PDE4D: variants seen among roughly 807,000 people sequenced by gnomAD.
The protein encoded by PDE4D is 3',5'-cyclic-AMP phosphodiesterase 4D.
In PDE4D, 24 loss-of-function variants were observed where a neutral mutation model predicts 87.4. The ratio of observed to expected loss-of-function variants is 0.27; its 90% CI spans 0.20 to 0.39. The LOEUF is 0.39. PDE4D is among the 10% of genes least tolerant of loss of function. The pLI, the probability that PDE4D is intolerant of heterozygous loss-of-function variation, is 1.00. For missense variants in PDE4D, 714 were observed against 1,041.0 expected, an observed-to-expected ratio of 0.69 and a Z score of 4.32; for synonymous variants, 384 against 383.2, an observed-to-expected ratio of 1.00 and a Z score of -0.02.
intron 1 of PDE4D, among the ~76,000 whole-genome samples, chr5:59,733,126 T>C (rs932671614): frequency 4.6e-5 from 7 of 152,118 alleles, no homozygotes; most frequent in Admixed American, 1.3e-4. Flanking sequence ...ATTTACAGGA[T>C]GAAAAGGTCA....
At chr5:59,367,265 A>G (rs902021284) in intron 1 of PDE4D, among the ~76,000 whole-genome samples, 2 of 152,238 alleles carry the variant, frequency 1.3e-5, no homozygotes, top group East Asian at 3.8e-4. Flanking sequence ...AAAATTGTCA[A>G]TACTAAGTAG....
chr5:59,900,287 CAT>C (rs56218565), intron 3 of PDE4D, among the ~76,000 whole-genome samples: 13 of 145,304 alleles, frequency 8.9e-5, no homozygotes, highest in South Asian at 6.5e-4. Flanking sequence ...CACACACACA[CAT>C]ATATATATAC....
chr5:59,337,153 C>T (rs1359647926), intron 1 of PDE4D, among the ~76,000 whole-genome samples: 3 of 152,184 alleles, frequency 2.0e-5, no homozygotes, highest in African/African-American at 7.2e-5. Flanking sequence ...GGTCTCAAAA[C>T]CTGAGCTCCT....
chr5:59,493,149 T>A (rs146572030), intron 1 of PDE4D, among the ~76,000 whole-genome samples: 2 of 152,094 alleles, frequency 1.3e-5, no homozygotes, highest in African/African-American at 2.4e-5. Flanking sequence ...AAACTCTGAG[T>A]TTTTTTATTG....
At chr5:59,666,519 C>T (rs964587146) in intron 1 of PDE4D, among the ~76,000 whole-genome samples, 1 of 152,162 alleles carries the variant, frequency 6.6e-6, no homozygotes, top group Non-Finnish European at 1.5e-5. Flanking sequence ...TGGAATTTTT[C>T]AGCAAGCAAT....
chr5:59,522,365 T>G (rs1184906631), intron 1 of PDE4D, among the ~76,000 whole-genome samples: 2 of 152,190 alleles, frequency 1.3e-5, no homozygotes, highest in Non-Finnish European at 2.9e-5. Flanking sequence ...CACTTTATGC[T>G]CCAACAAACC....
chr5:59,543,059 T>A (rs1816642446), intron 1 of PDE4D, among the ~76,000 whole-genome samples: 1 of 152,182 alleles, frequency 6.6e-6, no homozygotes, highest in Non-Finnish European at 1.5e-5. Context: ...ATCTGCTGAA[T>A]CAGATCATGT....
chr5:59,711,861 A>G (rs932381315), intron 1 of PDE4D, among the ~76,000 whole-genome samples: 5 of 152,140 alleles, frequency 3.3e-5, no homozygotes, highest in African/African-American at 9.7e-5. Flanking sequence ...AGCAACTCTC[A>G]TGAAATTTTC....
intron 1 of PDE4D, among the ~76,000 whole-genome samples, chr5:59,755,789 G>A (rs982528729): frequency 3.3e-5 from 5 of 151,388 alleles, no homozygotes; most frequent in African/African-American, 1.2e-4. Context: ...AAGTCAGAAA[G>A]TTGCTTGCTT....
rs186193672 is a variant in PDE4D at position 60,115,474 on chromosome 5, A to T, written c.42+70083T>A. ...CCAAATAATGAGGATAATTATTTTT[A>T]AAAAACTAGTAATTTTGAGCACCTA... On this transcript the variant is annotated intron_variant, in intron 2 of 16. Coordinates refer to the PDE4D transcript ENST00000502484. 9.4e-3 allele frequency among the ~76,000 whole-genome samples: 1,438 copies of T among 152,260 alleles called. 17 individuals are homozygous for T. Among genetic ancestry groups the T allele is most frequent in the African/African-American group, 0.033 (1,356 of 41,558 alleles).
At chr5:59,187,289 T>G (rs1038079) in intron 3 of PDE4D, among the ~76,000 whole-genome samples, 141,708 of 152,034 alleles carry the variant, frequency 0.93, 66,473 homozygotes, top group African/African-American at 0.95. Context: ...ATTTTGTCTT[T>G]GTTTTTAGTT....
chr5:60,124,906 G>A (rs1778997131), intron 2 of PDE4D, among the ~76,000 whole-genome samples: 1 of 152,038 alleles, frequency 6.6e-6, no homozygotes, highest in African/African-American at 2.4e-5. Flanking sequence ...GTAATCAGCA[G>A]CATTCACAAT....
chr5:59,506,366 C>T (rs1809264788), intron 1 of PDE4D, among the ~76,000 whole-genome samples: 1 of 150,714 alleles, frequency 6.6e-6, no homozygotes, highest in Non-Finnish European at 1.5e-5. Context: ...TATTTTATAC[C>T]CTTAGTCTTT....
chr5:60,269,437 C>A (rs889234288), intron 1 of PDE4D, among the ~76,000 whole-genome samples: 1 of 152,218 alleles, frequency 6.6e-6, no homozygotes, highest in African/African-American at 2.4e-5. Context: ...CACATTTTAT[C>A]ATAGGGATTT....
intron 1 of PDE4D, among the ~76,000 whole-genome samples, chr5:60,400,932 A>C (rs1561210339): frequency 6.6e-6 from 1 of 152,114 alleles, no homozygotes; most frequent in Admixed American, 6.5e-5. Context: ...TCGTGCACAA[A>C]TTTCTTCATT....
upstream of PDE4D, among the ~76,000 whole-genome samples, chr5:59,894,610 T>C (rs148127938): frequency 6.6e-6 from 1 of 152,274 alleles, no homozygotes; most frequent in East Asian, 1.9e-4. Context: ...CTGGCCAGAG[T>C]TAAGGTTAAG....
chr5:58,993,074 T>C (rs1447814048), intron 7 of PDE4D, among the ~76,000 whole-genome samples: 1 of 152,120 alleles, frequency 6.6e-6, no homozygotes, highest in East Asian at 1.9e-4. Context: ...GTTGAAGATA[T>C]GAATAGATCT....
chr5:59,812,276 C>T (rs1163750727), intron 1 of PDE4D, among the ~76,000 whole-genome samples: 1 of 152,172 alleles, frequency 6.6e-6, no homozygotes, highest in African/African-American at 2.4e-5. Flanking sequence ...TCTTCAGGTG[C>T]CACTGATTCT....
intron 1 of PDE4D, among the ~76,000 whole-genome samples, chr5:59,449,525 A>T (rs1208275686): frequency 6.6e-6 from 1 of 152,248 alleles, no homozygotes; most frequent in African/African-American, 2.4e-5. Context: ...TTTTCATATT[A>T]AACTCCCTTA....
Sources: gnomAD v4.1 joint callset for allele counts (sites outside exome capture counted in the v4.1 genomes callset) on GRCh38, gnomAD v4.1.1 for gene constraint, MANE v1.5 for transcripts, NCBI Gene and HGNC (gene_info 2026-07-23, HGNC 2026-07-21) for gene names.